The following ZNF208 variants were observed in gnomAD, a reference collection of about 807,000 sequenced individuals.
ZNF208 encodes zinc finger protein 95.
Under a neutral mutation model 12.1 loss-of-function variants are expected in ZNF208, and 10 were observed. That is an observed-to-expected ratio of 0.83 (90% CI 0.51 to 1.40). The LOEUF is 1.40. Among genes scored for constraint, ZNF208 ranks in the 40% most tolerant of loss-of-function variants. The pLI is 0.00. For synonymous variants in ZNF208, 497 were observed against 488.4 expected (o/e 1.02, Z -0.23); for missense variants, 1,652 against 1,485.0 (o/e 1.11, Z -1.85).
At chr19:21,966,057 C>G (rs1970160475), downstream of ZNF208, 1 of 151,986 alleles carries the variant, frequency 6.6e-6, no homozygotes, top group South Asian at 2.1e-4. Flanking sequence ...CCCCTAATTT[C>G]AACTATTAAC....
chr19:21,950,377 C>CT (rs1969871220), intron 4 of ZNF208, among the ~76,000 whole-genome samples: 1 of 151,962 alleles, frequency 6.6e-6, no homozygotes, highest in South Asian at 2.1e-4. Context: ...AAGATCTCTG[C>CT]TTTTTTTCAT....
chr19:22,008,757 G>C (rs1971093640), intron 1 of ZNF208, among the ~76,000 whole-genome samples: 1 of 152,006 alleles, frequency 6.6e-6, no homozygotes, highest in South Asian at 2.1e-4. Context: ...TATCTCAAGG[G>C]GTTAGCTTTC....
Position 21,972,199 on chromosome 19 carries a change from G to C in ZNF208, c.2835C>G (p.Tyr945Ter), listed in dbSNP as rs1181469620. Residue 945 changes from tyrosine (Y) to a stop codon, truncating the protein, a stop_gained, in exon 4 of 4, where the codon TAC becomes TAG. Coordinates refer to ENST00000397126, the MANE Select transcript of ZNF208 (RefSeq NM_007153.3). LOFTEE classifies it low-confidence loss of function (END_TRUNC). ...AGGCTTTGCCACATGCTTCACATTT[G>C]TAGAATTTCTCTCCAGCATGAGTTT... The part of the protein sequence containing the change: ...HKKTHAGEKF[Y>*]KCEACGKAYK... 3 of 1,613,036 alleles carry C rather than the reference G, an allele frequency of 1.9e-6. No homozygotes were observed. The African/African-American group carries it at 4.0e-5, about 22-fold the overall frequency.
chr19:21,965,147 T>C (rs1487166944), downstream of ZNF208, among the ~76,000 whole-genome samples: 2 of 152,042 alleles, frequency 1.3e-5, no homozygotes, highest in Admixed American at 6.6e-5. Context: ...ATTAATACTA[T>C]CATCTGGTAG....
At chr19:22,000,785 T>A (rs1013346412) in intron 1 of ZNF208, among the ~76,000 whole-genome samples, 3 of 151,870 alleles carry the variant, frequency 2.0e-5, no homozygotes, top group Non-Finnish European at 4.4e-5. Flanking sequence ...TCTATTTTTT[T>A]AAAAAAGGTA....
intron 4 of ZNF208, among the ~76,000 whole-genome samples, chr19:21,955,380 G>A (rs541041596): frequency 1.3e-5 from 2 of 152,294 alleles, no homozygotes; most frequent in South Asian, 4.1e-4. Flanking sequence ...GGCCTGCCTT[G>A]CTGGGTTGGG....
intron 1 of ZNF208, among the ~76,000 whole-genome samples, chr19:22,000,350 C>CA (rs1315135056): frequency 2.6e-5 from 4 of 152,248 alleles, no homozygotes; most frequent in African/African-American, 9.6e-5. Context: ...GAAAATTATA[C>CA]AAACCACACA....
chr19:22,006,368 T>C (rs1331760896), intron 1 of ZNF208, among the ~76,000 whole-genome samples: 1 of 150,184 alleles, frequency 6.7e-6, no homozygotes, highest in Non-Finnish European at 1.5e-5. Flanking sequence ...TGGAATTCAA[T>C]TTTTTTTTTA....
At chr19:21,963,012 A>T (rs1970102542), downstream of ZNF208, among the ~76,000 whole-genome samples, 1 of 152,100 alleles carries the variant, frequency 6.6e-6, no homozygotes, top group East Asian at 1.9e-4. Context: ...TATAAACTGT[A>T]TTTCACATAA....
chr19:21,973,997 C>G lies in ZNF208; in HGVS notation c.1037G>C (p.Cys346Ser). 1 of 1,574,102 alleles carries G rather than the reference C, an allele frequency of 6.4e-7. No individual in the cohort carries two copies. Among genetic ancestry groups the G allele is most frequent in the Non-Finnish European group, 8.6e-7 (1 of 1,158,138 alleles). Residue 346 changes from cysteine to serine, a missense_variant, in exon 4 of 4, where the codon TGT (cysteine) becomes TCT (serine). By Grantham distance (112) the Cys-to-Ser change is moderately radical (BLOSUM62 -1). This residue lies in a region of ZNF208 where 1,239 missense variants were observed against 1,086.2 expected (regional missense o/e 1.14). Coordinates refer to ENST00000397126, the MANE Select transcript of ZNF208 (RefSeq NM_007153.3). Reference protein sequence around the residue: ...AGEKPYKCKECGKAFSKFSIL... With the variant: ...AGEKPYKCKESGKAFSKFSIL... ...TGAGAACTTACTAAAGGCTTTGCCA[C>G]ATTCTTTACATTTGTAGGGCTTCTC...
At chr19:21,952,302 A>T (rs1451709027) in intron 4 of ZNF208, among the ~76,000 whole-genome samples, 1 of 152,174 alleles carries the variant, frequency 6.6e-6, no homozygotes, top group Non-Finnish European at 1.5e-5. Context: ...GCAGTGGTTC[A>T]CCCAGCATGG....
At chr19:21,948,117 G>A (rs1430612449) in intron 4 of ZNF208, among the ~76,000 whole-genome samples, 1 of 152,152 alleles carries the variant, frequency 6.6e-6, no homozygotes, top group Non-Finnish European at 1.5e-5. Flanking sequence ...ACTGAGGAAA[G>A]CCTTGTCTCC....
rs1970281742 is a variant in ZNF208 at position 21,971,467 on chromosome 19, T to G, written c.3567A>C (p.Val1189=). The G allele has an allele frequency of 1.2e-6, 2 of 1,611,326 alleles. No individual in the cohort carries two copies. The highest frequency in any genetic ancestry group is 1.7e-6 in the Non-Finnish European group (2 of 1,179,868). ...TGTAGAGTTTCTCTCCAGTATGAAT[T>G]ACCTTATGTTTTGCAAGGATTGAGA... ...VMFSILAKHK[V]IHTGEKLYKC... The change falls in exon 4 of 4, where the codon GTA becomes GTC. Residue 1189 remains valine (V), a synonymous_variant. Coordinates refer to ENST00000397126, the MANE Select transcript of ZNF208 (RefSeq NM_007153.3).
intron 1 of ZNF208, among the ~76,000 whole-genome samples, chr19:21,992,575 T>C (rs995685677): frequency 3.3e-5 from 5 of 152,190 alleles, no homozygotes; most frequent in Non-Finnish European, 7.4e-5. Context: ...AACCACAACA[T>C]TATATGTTCT....
intron 4 of ZNF208, among the ~76,000 whole-genome samples, chr19:21,950,490 TC>T (rs1169690867): frequency 8.3e-6 from 1 of 120,822 alleles, no homozygotes; most frequent in African/African-American, 4.7e-5. Flanking sequence ...CTAGCCCTGT[TC>T]TTTTTTTTTT....
intron 4 of ZNF208, among the ~76,000 whole-genome samples, chr19:21,954,708 T>C (rs1472612193): frequency 6.6e-6 from 1 of 152,214 alleles, no homozygotes; most frequent in Non-Finnish European, 1.5e-5. Context: ...TCCATCCCTT[T>C]ATTTTGAGCC....
intron 3 of ZNF208, among the ~76,000 whole-genome samples, chr19:21,984,002 A>T (rs1024757977): frequency 3.9e-5 from 6 of 152,176 alleles, no homozygotes; most frequent in Admixed American, 6.5e-5. Flanking sequence ...ATCATAATTT[A>T]AAAAAACAGA....
downstream of ZNF208, among the ~76,000 whole-genome samples, chr19:21,962,584 T>C (rs890837471): frequency 2.6e-5 from 4 of 152,138 alleles, no homozygotes; most frequent in African/African-American, 7.2e-5. Context: ...CTTCAGCTAA[T>C]TGATTAAAAA....
At chr19:21,983,741 C>G (rs1401810268) in intron 3 of ZNF208, among the ~76,000 whole-genome samples, 1 of 152,000 alleles carries the variant, frequency 6.6e-6, no homozygotes, top group African/African-American at 2.4e-5. Context: ...TCTCAGCAAA[C>G]TAACACAAGA....
Sources: gnomAD v4.1 joint callset for allele counts (sites outside exome capture counted in the v4.1 genomes callset) on GRCh38, gnomAD v4.1.1 for gene constraint, gnomAD v4.1.1 regional missense constraint, MANE v1.5 for transcripts, NCBI Gene and HGNC (gene_info 2026-07-23, HGNC 2026-07-21) for gene names.